The following DLG2 variants were observed in gnomAD, a reference collection of about 807,000 sequenced individuals.
The protein encoded by DLG2 is disks large homolog 2.
In DLG2, 45 loss-of-function variants were observed where a neutral mutation model predicts 132.5. The ratio of observed to expected loss-of-function variants is 0.34; its 90% CI spans 0.27 to 0.44. DLG2 has a LOEUF of 0.44. Ranked by LOEUF, DLG2 falls within the 20% of genes least tolerant of loss-of-function variation. DLG2 has a pLI of 1.00. For missense variants in DLG2, 1,045 were observed against 1,196.9 expected (o/e 0.87, Z 1.87); for synonymous variants, 424 against 419.6 (o/e 1.01, Z -0.13).
chr11:84,090,381 T>G (rs1374431791), intron 10 of DLG2, among the ~76,000 whole-genome samples: 2 of 123,468 alleles, frequency 1.6e-5, no homozygotes, highest in African/African-American at 6.4e-5. Context: ...ACCATTGCAC[T>G]CCAGCCTGGG....
chr11:84,821,650 AC>A (rs140106022), intron 6 of DLG2, among the ~76,000 whole-genome samples: 35,991 of 144,560 alleles, frequency 0.25, 4,880 homozygotes, highest in Middle Eastern at 0.3. Flanking sequence ...AACAACAACA[AC>A]AAAAAAAACA....
chr11:85,131,918 G>T (rs1220501068), intron 5 of DLG2, among the ~76,000 whole-genome samples: 1 of 152,056 alleles, frequency 6.6e-6, no homozygotes, highest in Non-Finnish European at 1.5e-5. Flanking sequence ...AAAAGATATG[G>T]TTCAAATTAA....
chr11:83,886,649 T>A (rs10898169), intron 15 of DLG2, among the ~76,000 whole-genome samples: 115,892 of 150,246 alleles, frequency 0.77, 44,883 homozygotes, highest in East Asian at 0.88. Context: ...ATATACATTT[T>A]TTTCAGCACC....
At chr11:85,567,756 G>A (rs1436339615) in intron 3 of DLG2, among the ~76,000 whole-genome samples, 2 of 151,946 alleles carry the variant, frequency 1.3e-5, no homozygotes, top group East Asian at 3.9e-4. Flanking sequence ...TGTTAACTGT[G>A]GGTTTTTTGC....
At chr11:83,724,880 G>A (rs2089675878) in intron 18 of DLG2, 1 of 702,352 alleles carries the variant, frequency 1.4e-6, no homozygotes, top group African/African-American at 1.7e-5. Context: ...AAGTTTCCAG[G>A]GGTTTTCAGC....
intron 9 of DLG2, among the ~76,000 whole-genome samples, chr11:84,147,126 C>T (rs542568594): frequency 6.6e-6 from 1 of 152,244 alleles, no homozygotes; most frequent in Admixed American, 6.5e-5. Context: ...GCACATGTGA[C>T]CACCAAGATA....
chr11:84,410,096 C>A (rs190722637), intron 7 of DLG2, among the ~76,000 whole-genome samples: 2 of 152,272 alleles, frequency 1.3e-5, no homozygotes, highest in East Asian at 1.9e-4. Flanking sequence ...ACTGACTGAA[C>A]CCTGATGGCT....
At chr11:84,771,687 A>G (rs2069425849) in intron 6 of DLG2, among the ~76,000 whole-genome samples, 1 of 152,216 alleles carries the variant, frequency 6.6e-6, no homozygotes, top group African/African-American at 2.4e-5. Context: ...TATCACAAAG[A>G]CACACCAAAA....
chr11:83,507,804 A>G (rs1363598703), intron 21 of DLG2, among the ~76,000 whole-genome samples: 1 of 131,390 alleles, frequency 7.6e-6, no homozygotes, highest in Non-Finnish European at 1.6e-5. Context: ...ATATATGTAT[A>G]TATGAGTTTA....
chr11:83,902,587 G>C (rs1050941609), intron 15 of DLG2, among the ~76,000 whole-genome samples: 7 of 152,106 alleles, frequency 4.6e-5, no homozygotes, highest in Non-Finnish European at 8.8e-5. Context: ...TCTAGAAAAG[G>C]GAAAGCTCTA....
At chr11:84,931,912 C>T (rs968878127) in intron 6 of DLG2, among the ~76,000 whole-genome samples, 1 of 152,174 alleles carries the variant, frequency 6.6e-6, no homozygotes, top group Non-Finnish European at 1.5e-5. Flanking sequence ...GCATACATGT[C>T]TTCTTTTGAA....
At chr11:83,462,206 A>AG in intron 26 of DLG2, 113 bp from the exon 27 acceptor site, 1 of 709,282 alleles carries the variant, frequency 1.4e-6, no homozygotes, top group Non-Finnish European at 2.4e-6. Flanking sequence ...TCTTAGCAAC[A>AG]GGTTTTTAGT....
In DLG2 at chr11:85,094,037, C is replaced by T. The variant is rs566527834; in HGVS notation, c.357+17624G>A. 7.2e-5 allele frequency among the ~76,000 whole-genome samples: 11 copies of T among 152,318 alleles called. No individual in the cohort carries two copies. The South Asian group carries it at 1.7e-3, about 23-fold the overall frequency. ...CAACTGAAAATTCATTAATCCCTTTCCCAGAATTAAGCTTTCAAGATTTCA... is the reference window on the plus strand; with the variant it reads ...CAACTGAAAATTCATTAATCCCTTTTCCAGAATTAAGCTTTCAAGATTTCA... On this transcript the variant is annotated intron_variant, in intron 6 of 27. Transcript: ENST00000376104.
intron 19 of DLG2, among the ~76,000 whole-genome samples, chr11:83,630,954 T>G (rs1253196229): frequency 6.6e-6 from 1 of 152,166 alleles, no homozygotes; most frequent in African/African-American, 2.4e-5. Context: ...TATATTTATA[T>G]AATCAGAGAA....
At chr11:83,782,496 TCAG>T (rs2094873345) in intron 18 of DLG2, among the ~76,000 whole-genome samples, 1 of 152,152 alleles carries the variant, frequency 6.6e-6, no homozygotes, top group African/African-American at 2.4e-5. Context: ...TTTGGGGAAC[TCAG>T]ATAAAGAATC....
chr11:84,680,427 C>T (rs997235707), intron 6 of DLG2, among the ~76,000 whole-genome samples: 2 of 152,176 alleles, frequency 1.3e-5, no homozygotes, highest in African/African-American at 4.8e-5. Context: ...TGCCTCCTCA[C>T]TTCCTCATAA....
At chr11:84,724,287 G>A (rs1183882800) in intron 6 of DLG2, among the ~76,000 whole-genome samples, 2 of 151,980 alleles carry the variant, frequency 1.3e-5, no homozygotes, top group African/African-American at 4.8e-5. Flanking sequence ...ACATTTTTAT[G>A]AATGTAAAGT....
chr11:84,978,913 C>G (rs899211069), intron 6 of DLG2, among the ~76,000 whole-genome samples: 5 of 152,110 alleles, frequency 3.3e-5, no homozygotes, highest in African/African-American at 9.7e-5. Flanking sequence ...GCAATCTACT[C>G]ATCTGACAAA....
At chr11:84,446,602 A>C (rs544581683) in intron 7 of DLG2, among the ~76,000 whole-genome samples, 1 of 151,832 alleles carries the variant, frequency 6.6e-6, no homozygotes, top group Admixed American at 6.6e-5. Context: ...CTCTCCCCAC[A>C]AAATAGGGTT....
Sources: allele counts gnomAD v4.1 joint callset (sites outside exome capture counted in the v4.1 genomes callset), GRCh38; gene constraint gnomAD v4.1.1; transcripts MANE v1.5; gene names NCBI Gene and HGNC (gene_info 2026-07-23, HGNC 2026-07-21).